PCDHGA5: variants seen among roughly 807,000 people sequenced by gnomAD.
The protein encoded by PCDHGA5 is protocadherin gamma-A5.
Under a neutral mutation model 56.7 loss-of-function variants are expected in PCDHGA5, and 36 were observed. The observed-to-expected ratio is 0.64, with a 90% CI of 0.49 to 0.84. The LOEUF (loss-of-function observed/expected upper bound fraction) is 0.84, where lower values mean the gene tolerates loss of function less well. PCDHGA5 is among the 40% of genes least tolerant of loss of function. PCDHGA5 has a pLI of 0.00. For missense variants in PCDHGA5, 1,305 were observed against 1,201.5 expected, an observed-to-expected ratio of 1.09 and a Z score of -1.27; for synonymous variants, 563 against 520.2, an observed-to-expected ratio of 1.08 and a Z score of -1.12.
intron 1 of PCDHGA5, chr5:141,478,312 C>T (rs768312280): frequency 8.1e-6 from 13 of 1,614,002 alleles, no homozygotes; most frequent in East Asian, 2.2e-5. Flanking sequence ...CCCCGGTGAG[C>T]TCACTGTACC....
Position 141,371,052 on chromosome 5 carries a change from C to T in PCDHGA5, c.2421+4301C>T, listed in dbSNP as rs769801850. 2.5e-6 allele frequency: 4 copies of T among 1,613,960 alleles called. No individual in the cohort carries two copies. In the South Asian group the frequency reaches 3.3e-5, roughly 13 times the overall value. ...CCTCACAGCTGTGGATGGGGGCGAGCCCTCCAGAAGCTGTACCACCCAGAT... is the reference window on the plus strand; with the variant it reads ...CCTCACAGCTGTGGATGGGGGCGAGTCCTCCAGAAGCTGTACCACCCAGAT... On this transcript the variant is annotated intron_variant, in intron 1 of 3. Coordinates refer to ENST00000518069, the MANE Select transcript of PCDHGA5 (RefSeq NM_018918.3).
intron 1 of PCDHGA5, chr5:141,417,260 G>A (rs1362206061): frequency 1.3e-5 from 2 of 152,174 alleles, no homozygotes; most frequent in Non-Finnish European, 2.9e-5. Context: ...CAGCTTCATA[G>A]ATAATTACTC....
intron 1 of PCDHGA5, among the ~76,000 whole-genome samples, chr5:141,449,042 A>G (rs1211970675): frequency 6.6e-6 from 1 of 152,186 alleles, no homozygotes; most frequent in Non-Finnish European, 1.5e-5. Context: ...ATTATTAACC[A>G]GTCTCATAAA....
At chr5:141,410,722 ATCC>A (rs2154543211) in intron 1 of PCDHGA5, 21 of 1,396,054 alleles carry the variant, frequency 1.5e-5, no homozygotes, top group Non-Finnish European at 2.0e-5. Context: ...TATGTTTAAA[ATCC>A]ATAGCTTTTT....
chr5:141,384,709 C>G, intron 1 of PCDHGA5: 2 of 1,614,124 alleles, frequency 1.2e-6, no homozygotes, highest in South Asian at 1.1e-5. Context: ...GAACGCCTGG[C>G]TGTCATACCT....
rs375127524 is a variant in PCDHGA5 at position 141,490,702 on chromosome 5, C to T, written c.2422-4105C>T. ...AGATCCAGACACTGGGGATAATGCC[C>T]GCCTCACCTACTCCATTGTAGGAAA... On this transcript the variant is annotated intron_variant, in intron 1 of 3. Coordinates refer to ENST00000518069, the MANE Select transcript of PCDHGA5 (RefSeq NM_018918.3). The surrounding 1 kb of genome is among the most constrained non-coding windows in gnomAD (Gnocchi z 5.4). 36 of 1,614,060 alleles carry T rather than the reference C, an allele frequency of 2.2e-5. No homozygotes were observed. Among genetic ancestry groups the T allele is most frequent in the South Asian group, 7.7e-5 (7 of 91,090 alleles).
intron 2 of PCDHGA5, among the ~76,000 whole-genome samples, 177 bp from the exon 3 acceptor site, chr5:141,505,216 T>C (rs547855353): frequency 1.1e-4 from 17 of 152,234 alleles, no homozygotes; most frequent in Non-Finnish European, 2.9e-5. Context: ...AGGGACTGAC[T>C]TGTGGGATTC....
At chr5:141,375,722 T>TCA (rs1339196797) in intron 1 of PCDHGA5, 5 of 1,614,260 alleles carry the variant, frequency 3.1e-6, no homozygotes, top group African/African-American at 2.7e-5. Context: ...CAGCAACGTG[T>TCA]CACTGAGCCT....
chr5:141,438,627 TATATATATACAC>T (rs1324653166), intron 1 of PCDHGA5, among the ~76,000 whole-genome samples: 191 of 47,978 alleles, frequency 4.0e-3, no homozygotes, highest in African/African-American at 0.016. Flanking sequence ...TATATATATA[TATATATATACAC>T]ACACACACAC....
At chr5:141,384,558 G>C (rs1305876368) in intron 1 of PCDHGA5, 2 of 1,614,132 alleles carry the variant, frequency 1.2e-6, no homozygotes, top group African/African-American at 1.3e-5. Context: ...TGTTCGTGCT[G>C]GACCAGAATG....
chr5:141,402,451 G>A (rs2094267451), intron 1 of PCDHGA5, among the ~76,000 whole-genome samples: 1 of 152,016 alleles, frequency 6.6e-6, no homozygotes. Context: ...AATTATAATA[G>A]TTTACATATC....
At chr5:141,374,626 C>A (rs748933501) in intron 1 of PCDHGA5, 10 of 1,613,108 alleles carry the variant, frequency 6.2e-6, no homozygotes, top group Non-Finnish European at 7.6e-6. Context: ...TCTCAGTGGA[C>A]GTGCAAAGCG....
chr5:141,384,959 A>G (rs771197511), intron 1 of PCDHGA5: 2 of 1,613,600 alleles, frequency 1.2e-6, no homozygotes, highest in Admixed American at 1.7e-5. Flanking sequence ...CCTTACAACT[A>G]TGACCTCACG....
chr5:141,409,357 T>A, intron 1 of PCDHGA5: 2 of 1,613,968 alleles, frequency 1.2e-6, no homozygotes, highest in Non-Finnish European at 1.7e-6. Context: ...TCAGGTGTAA[T>A]ATAGAAACAG....
At chr5:141,462,648 C>T (rs2099044153) in intron 1 of PCDHGA5, among the ~76,000 whole-genome samples, 1 of 137,364 alleles carries the variant, frequency 7.3e-6, no homozygotes, top group Admixed American at 7.1e-5. Flanking sequence ...TCATTTCCAT[C>T]CTCAATTATC....
In PCDHGA5 at chr5:141,477,125, A is replaced by G; in HGVS notation, c.2422-17682A>G. The G allele has an allele frequency of 2.5e-6, 4 of 1,614,212 alleles. No individual in the cohort carries two copies. The highest frequency in any genetic ancestry group is 3.4e-6 in the Non-Finnish European group (4 of 1,180,036). On this transcript the variant is annotated intron_variant, in intron 1 of 3. Transcript: ENST00000518069. This position sits in a 1 kb window ranked among gnomAD's most constrained non-coding sequence, Gnocchi z 4.9. ...CGCCAATCCCGAAGGAGCACATTGC[A>G]AAGTGTTGGTGGAGGTTGTGGATGT...
At chr5:141,372,809 G>C (rs1484993556) in intron 1 of PCDHGA5, 5 of 1,587,612 alleles carry the variant, frequency 3.1e-6, no homozygotes, top group Non-Finnish European at 4.3e-6. Context: ...ATTTGCAAAA[G>C]GTGAGTTTCT....
Position 141,365,063 on chromosome 5 carries a change from T to C in PCDHGA5, c.733T>C (p.Ser245Pro), listed in dbSNP as rs757924486. Residue 245 changes from serine to proline, a missense_variant, in exon 1 of 4, where the codon TCC (serine) becomes CCC (proline). Physicochemically the swap from Ser to Pro is moderately conservative, Grantham distance 74 (BLOSUM62 -1). Coordinates refer to ENST00000518069, the MANE Select transcript of PCDHGA5 (RefSeq NM_018918.3). ...ANDNAPLFTP[S>P]EYSVSVPENI... ...CGACAATGCGCCCCTGTTCACCCCATCCGAGTACAGCGTGAGTGTTCCAGA... is the reference window on the plus strand; with the variant it reads ...CGACAATGCGCCCCTGTTCACCCCACCCGAGTACAGCGTGAGTGTTCCAGA... The C allele has an allele frequency of 6.8e-6, 11 of 1,613,692 alleles. No homozygotes were observed. Among genetic ancestry groups the C allele is most frequent in the Non-Finnish European group, 9.3e-6 (11 of 1,179,886 alleles).
At chr5:141,370,947 AAC>A in intron 1 of PCDHGA5, 5 of 1,613,958 alleles carry the variant, frequency 3.1e-6, no homozygotes, top group Non-Finnish European at 4.2e-6. Context: ...TCAGAAGGAG[AAC>A]CTGGATGGCA....
Sources: allele counts gnomAD v4.1 joint callset (sites outside exome capture counted in the v4.1 genomes callset), GRCh38; gene constraint gnomAD v4.1.1; non-coding constraint Gnocchi (gnomAD v3.1); transcripts MANE v1.5; gene names NCBI Gene and HGNC (gene_info 2026-07-23, HGNC 2026-07-21).